Variants in DNMT1 observed in about 807,000 individuals in gnomAD.
The protein encoded by DNMT1 is DNA (cytosine-5)-methyltransferase 1.
In DNMT1, 24 loss-of-function variants were observed where a neutral mutation model predicts 205.3. The observed-to-expected ratio is 0.12, with a 90% confidence interval of 0.08 to 0.16. DNMT1 has a LOEUF of 0.16. Ranked by LOEUF, DNMT1 falls within the 10% of genes least tolerant of loss-of-function variation. The pLI is 1.00. For synonymous variants in DNMT1, 817 were observed against 839.8 expected (o/e 0.97, Z 0.47); for missense variants, 1,293 against 2,177.7 (o/e 0.59, Z 8.09).
Position 10,154,392 on chromosome 19 carries a change from G to A in DNMT1, c.1920C>T (p.Val640=), listed in dbSNP as rs778721104. The A allele has an allele frequency of 7.4e-6, 12 of 1,614,116 alleles. No homozygotes were observed. In the Admixed American group the frequency reaches 8.3e-5, roughly 11 times the overall value. The change falls in exon 22 of 41, where the codon GTC becomes GTT. Residue 640 remains valine (V), a synonymous_variant. Coordinates refer to ENST00000359526, the MANE Select transcript of DNMT1 (RefSeq NM_001130823.3). The surrounding 1 kb of genome is among the most constrained non-coding windows in gnomAD (Gnocchi z 6.3). The stretch of plus-strand genomic sequence containing the variant: ...CGAAGAAAGTATCGAAGATCTGGTA[G>A]ACCAGCTTGGTGGTGGTGGCTTTCG... The part of the protein sequence containing the change: ...GPTKATTTKL[V]YQIFDTFFAE...
At position 10,183,081 on chromosome 19, in the gene DNMT1, G is replaced by GTA. The variant is rs142246610; in HGVS notation, c.81-1006_81-1005dup. 4.7e-3 allele frequency among the ~76,000 whole-genome samples: 650 copies of GTA among 139,402 alleles called. 3 individuals carry two copies. Among genetic ancestry groups the GTA allele is most frequent in the East Asian group, 0.017 (79 of 4,518 alleles). The allele number at this position is 139,402 out of a possible 152,430, so 91.5% of individuals were successfully genotyped here. A position where few individuals can be genotyped will look rare whatever the true frequency, so the allele number is the denominator to read the frequency against. On this transcript the variant is annotated intron_variant, in intron 1 of 40. Coordinates refer to ENST00000359526, the MANE Select transcript of DNMT1 (RefSeq NM_001130823.3). ...CGTATATATGTATACATATGTGTGT[G>GTA]TATATATATATACACGTATATATAC... is the stretch of plus-strand genomic sequence containing the variant.
At chr19:10,164,646 C>T (rs957166371) in intron 11 of DNMT1, among the ~76,000 whole-genome samples, 4 of 151,334 alleles carry the variant, frequency 2.6e-5, no homozygotes, top group Admixed American at 1.3e-4. Flanking sequence ...CAAACAAACA[C>T]GCCGGGCGTG....
chr19:10,159,851 T>G lies in DNMT1; in HGVS notation c.1161A>C (p.Pro387=). The change falls in exon 16 of 41, where the codon CCA becomes CCC. Residue 387 remains proline (P), a synonymous_variant. Coordinates refer to ENST00000359526, the MANE Select transcript of DNMT1 (RefSeq NM_001130823.3). This position sits in a 1 kb window ranked among gnomAD's most constrained non-coding sequence, Gnocchi z 5.0. ...DDPDLKYGQH[P]PDAVDEPQML... ...AGAGAGCTGTACGTACCGCGTCTGG[T>G]GGGTGCTGCCCATATTTGAGGTCAG... 6 of 1,614,092 alleles carry G rather than the reference T, an allele frequency of 3.7e-6. No homozygotes were observed. Among genetic ancestry groups the G allele is most frequent in the Non-Finnish European group, 5.1e-6 (6 of 1,180,026 alleles).
chr19:10,142,611 G>A (rs986297191), intron 29 of DNMT1, among the ~76,000 whole-genome samples: 1 of 146,826 alleles, frequency 6.8e-6, no homozygotes, highest in African/African-American at 2.5e-5. Context: ...GAACCGCCAG[G>A]TAATGACCCC....
intron 5 of DNMT1, among the ~76,000 whole-genome samples, chr19:10,179,116 G>A (rs917216372): frequency 4.7e-5 from 5 of 107,206 alleles, no homozygotes; most frequent in Non-Finnish European, 5.2e-5. Flanking sequence ...GAGACAACAA[G>A]ACTCCATCTC....
In DNMT1 at chr19:10,149,868, G is replaced by A. The variant is rs1201583942; in HGVS notation, c.2366C>T (p.Pro789Leu). The change falls in exon 25 of 41, where the codon CCG (proline) becomes CTG (leucine). Residue 789 changes from proline (P) to leucine (L), a missense_variant. Physicochemically the swap from Pro to Leu is moderately conservative, Grantham distance 98 (BLOSUM62 -3). This residue lies in a region of DNMT1 where 197 missense variants were observed against 353.6 expected (regional missense o/e 0.56). Coordinates refer to ENST00000359526, the MANE Select transcript of DNMT1 (RefSeq NM_001130823.3). ...AGATGCAAACCTTGCTAGATACAGC[G>A]GTTTTGAGGAATCATCTGGAATAAC... ...VSVIPDDSSK[P>L]LYLARVTALW... 6.2e-7 allele frequency: 1 copy of A among 1,614,178 alleles called. No individual in the cohort carries two copies. Among genetic ancestry groups the A allele is most frequent in the Non-Finnish European group, 8.5e-7 (1 of 1,180,030 alleles).
At position 10,138,932 on chromosome 19, in the gene DNMT1, C is replaced by G; in HGVS notation, c.3949-327G>C. On this transcript the variant is annotated intron_variant, in intron 34 of 40. Coordinates refer to ENST00000359526, the MANE Select transcript of DNMT1 (RefSeq NM_001130823.3). The surrounding 1 kb of genome is among the most constrained non-coding windows in gnomAD (Gnocchi z 4.1). ...GAACACTGGAGACCAGGAGCCCTGT[C>G]GCTTCCCTGATGGCTGTGGTCACAA... Among the ~76,000 whole-genome samples, 1 of 152,186 alleles carries G rather than the reference C, an allele frequency of 6.6e-6. No homozygotes were observed. The highest frequency in any genetic ancestry group is 1.9e-4 in the East Asian group (1 of 5,190).
At chr19:10,166,738 C>T in intron 10 of DNMT1, 53 bp from the exon 11 acceptor site, 1 of 1,594,488 alleles carries the variant, frequency 6.3e-7, no homozygotes, top group Non-Finnish European at 8.6e-7. Context: ...GGGGGCCCTG[C>T]ACCGGGGCCA....
At position 10,140,912 on chromosome 19, in the gene DNMT1, G is replaced by T; in HGVS notation, c.3395-3C>A. The T allele has an allele frequency of 6.2e-7, 1 of 1,613,850 alleles. No homozygotes were observed. The highest frequency in any genetic ancestry group is 2.2e-5 in the East Asian group (1 of 44,880). ...TTGGGACTTGGGCTTGCCCTTCCCT[G>T]GGGGAGAGAGGCCAGAGGCTAAACC... On this transcript the variant is annotated splice_polypyrimidine_tract_variant and splice_region_variant and intron_variant, in intron 31 of 40. Coordinates refer to ENST00000359526, the MANE Select transcript of DNMT1 (RefSeq NM_001130823.3). The surrounding 1 kb of genome is among the most constrained non-coding windows in gnomAD (Gnocchi z 8.4).
At chr19:10,185,620 A>G (rs1198780346) in intron 1 of DNMT1, among the ~76,000 whole-genome samples, 1 of 151,942 alleles carries the variant, frequency 6.6e-6, no homozygotes, top group East Asian at 1.9e-4. Context: ...TGAGGTCAGG[A>G]GTTTGAGACC....
At chr19:10,136,942 C>T in intron 37 of DNMT1, 143 bp downstream of exon 37, 1 of 1,163,726 alleles carries the variant, frequency 8.6e-7, no homozygotes, top group Non-Finnish European at 1.2e-6. Flanking sequence ...TACTACTCAA[C>T]ATGGTCAGCA....
chr19:10,133,711 A>G lies in DNMT1; in HGVS notation c.4865-10T>C. 2.5e-6 allele frequency: 4 copies of G among 1,586,190 alleles called. No homozygotes were observed. Among genetic ancestry groups the G allele is most frequent in the Non-Finnish European group, 3.4e-6 (4 of 1,164,998 alleles). ...TCCTCCTTTATTTTAGCTGAAGGGA[A>G]ATAAAAGGAAAAGTCACTCTGGGGA... On this transcript the variant is annotated splice_polypyrimidine_tract_variant and intron_variant, in intron 40 of 40. Transcript: ENST00000359526. The surrounding 1 kb of genome is among the most constrained non-coding windows in gnomAD (Gnocchi z 4.1).
chr19:10,183,893 A>G (rs2039127791), intron 1 of DNMT1, among the ~76,000 whole-genome samples: 1 of 152,050 alleles, frequency 6.6e-6, no homozygotes, highest in Non-Finnish European at 1.5e-5. Flanking sequence ...AATAAAATAA[A>G]ATAAAATAAA....
At chr19:10,168,479 G>A (rs2038738891) in intron 9 of DNMT1, 115 bp from the exon 10 acceptor site, 2 of 1,080,468 alleles carry the variant, frequency 1.9e-6, no homozygotes, top group Non-Finnish European at 2.8e-6. Flanking sequence ...ACTGGTGGGA[G>A]TAAAGACTGT....
At chr19:10,171,243 G>A (rs1471608619) in intron 9 of DNMT1, among the ~76,000 whole-genome samples, 20 of 152,282 alleles carry the variant, frequency 1.3e-4, no homozygotes, top group Non-Finnish European at 1.8e-4. Flanking sequence ...CTTCAGAGAG[G>A]AGAATACAAC....
chr19:10,153,811 A>C (rs928945274), intron 22 of DNMT1, among the ~76,000 whole-genome samples: 8 of 152,188 alleles, frequency 5.3e-5, no homozygotes, highest in African/African-American at 1.9e-4. Context: ...TTTATCCAAA[A>C]GAAAGTCAGG....
chr19:10,143,768 G>A lies in DNMT1; in HGVS notation c.3114C>T (p.Tyr1038=). 6.2e-7 allele frequency: 1 copy of A among 1,614,132 alleles called. No individual in the cohort carries two copies. The highest frequency in any genetic ancestry group is 8.5e-7 in the Non-Finnish European group (1 of 1,180,016). ...GAAGAACAGAGGCCTCTGCTGACCT[G>A]TAGAACTTGTTGACCCGGATTTTGA... is the stretch of plus-strand genomic sequence containing the variant. The part of the protein sequence containing the change: ...TDIKIRVNKF[Y]RPENTHKSTP... The change falls in exon 29 of 41, where the codon TAC becomes TAT. Residue 1038 remains tyrosine (Y), a splice_region_variant and synonymous_variant. Transcript: ENST00000359526.
intron 10 of DNMT1, 95 bp downstream of exon 10, chr19:10,168,235 C>T (rs545117537): frequency 7.1e-7 from 1 of 1,410,738 alleles, no homozygotes; most frequent in East Asian, 2.3e-5. Flanking sequence ...ATGATTAGTG[C>T]CCACTGTTCC....
chr19:10,140,039 C>A lies in DNMT1; in HGVS notation c.3806+7G>T. On this transcript the variant is annotated splice_region_variant and intron_variant, in intron 33 of 40. Transcript: ENST00000359526. The surrounding 1 kb of genome is among the most constrained non-coding windows in gnomAD (Gnocchi z 8.4). ...CTGGCAACACTGGGGGGCTTCTACC[C>A]GTTTACCTGAGGAAGGAAACCACCA... The A allele has an allele frequency of 1.2e-6, 2 of 1,607,328 alleles. No homozygotes were observed. Among genetic ancestry groups the A allele is most frequent in the Non-Finnish European group, 1.7e-6 (2 of 1,180,010 alleles).
Sources: allele counts gnomAD v4.1 joint callset (sites outside exome capture counted in the v4.1 genomes callset), GRCh38; gene constraint gnomAD v4.1.1; regional missense constraint gnomAD v4.1.1; non-coding constraint Gnocchi (gnomAD v3.1); transcripts MANE v1.5; gene names NCBI Gene and HGNC (gene_info 2026-07-23, HGNC 2026-07-21).